CACNA1E: variants seen among roughly 807,000 people sequenced by gnomAD.
The protein encoded by CACNA1E is voltage-dependent R-type calcium channel subunit alpha-1E.
A neutral mutation model predicts 259.2 loss-of-function variants in CACNA1E; 40 were observed. That is an observed-to-expected ratio of 0.15 (90% CI 0.12 to 0.20). The LOEUF is 0.20. Among genes scored for constraint, CACNA1E ranks in the 10% least tolerant of loss-of-function variants. CACNA1E has a pLI of 1.00. For synonymous variants in CACNA1E, 1,104 were observed against 1,138.5 expected, an observed-to-expected ratio of 0.97 and a Z score of 0.61; for missense variants, 1,874 against 3,040.1, an observed-to-expected ratio of 0.62 and a Z score of 9.02.
At chr1:181,697,864 G>A (rs1572632702) in intron 7 of CACNA1E, among the ~76,000 whole-genome samples, 1 of 152,236 alleles carries the variant, frequency 6.6e-6, no homozygotes, top group East Asian at 1.9e-4. Context: ...TCTGTGAAGA[G>A]CAGATCTACT....
chr1:181,761,627 C>G (rs1052224213), intron 32 of CACNA1E, among the ~76,000 whole-genome samples: 1 of 152,202 alleles, frequency 6.6e-6, no homozygotes, highest in Non-Finnish European at 1.5e-5. Context: ...TCTGTCTCCT[C>G]TGAATTTCTT....
At chr1:181,552,964 A>C (rs747205002) in intron 3 of CACNA1E, among the ~76,000 whole-genome samples, 3 of 152,084 alleles carry the variant, frequency 2.0e-5, no homozygotes, top group Non-Finnish European at 4.4e-5. Context: ...TTTGCTTAGG[A>C]TTGTCTTGGC....
At chr1:181,544,647 A>G (rs1647262468) in intron 3 of CACNA1E, among the ~76,000 whole-genome samples, 1 of 152,194 alleles carries the variant, frequency 6.6e-6, no homozygotes, top group Non-Finnish European at 1.5e-5. Flanking sequence ...CTGGCGTTTT[A>G]GCACCCTTCT....
intron 2 of CACNA1E, among the ~76,000 whole-genome samples, chr1:181,449,173 G>T (rs1444337737): frequency 6.6e-6 from 1 of 151,366 alleles, no homozygotes; most frequent in East Asian, 1.9e-4. Context: ...TTTGGATGTG[G>T]GTAGACTATT....
rs879896726 is a variant in CACNA1E at position 181,734,376 on chromosome 1, CA to C, written c.3262+636del. On this transcript the variant is annotated intron_variant, in intron 21 of 47. Transcript: ENST00000367573. ...ATGGTGTCCTAAAGGGAAACACAGC[CA>C]AAAAAAAAAGCACTTCCCCACCCCT... Among the ~76,000 whole-genome samples the C allele has an allele frequency of 9.9e-4, 145 of 146,200 alleles. 1 individual carries two copies. The South Asian group carries it at 0.012, about 12-fold the overall frequency.
intron 2 of CACNA1E, among the ~76,000 whole-genome samples, chr1:181,474,541 T>A (rs1662720152): frequency 6.6e-6 from 1 of 151,046 alleles, no homozygotes; most frequent in South Asian, 2.1e-4. Flanking sequence ...GAACGTGAGA[T>A]CACATCAGAA....
chr1:181,472,023 G>T (rs1662542549), intron 2 of CACNA1E, among the ~76,000 whole-genome samples: 1 of 152,094 alleles, frequency 6.6e-6, no homozygotes, highest in Non-Finnish European at 1.5e-5. Context: ...ATGGATGAAT[G>T]GATAAAGAAA....
At chr1:181,332,516 G>A (rs1651366748) in intron 1 of CACNA1E, among the ~76,000 whole-genome samples, 1 of 152,186 alleles carries the variant, frequency 6.6e-6, no homozygotes, top group Non-Finnish European at 1.5e-5. Context: ...CTCCTGATAA[G>A]TTTGCTCTTT....
chr1:181,704,810 G>T (rs1440625373), intron 7 of CACNA1E, among the ~76,000 whole-genome samples: 4 of 152,122 alleles, frequency 2.6e-5, no homozygotes, highest in Non-Finnish European at 5.9e-5. Flanking sequence ...CGGGAGGAGA[G>T]GTCTGGAGCG....
chr1:181,734,992 A>G (rs1558324337), intron 21 of CACNA1E, among the ~76,000 whole-genome samples: 1 of 152,264 alleles, frequency 6.6e-6, no homozygotes, highest in African/African-American at 2.4e-5. Context: ...TTGTGACCAC[A>G]GGATTCCAGC....
intron 1 of CACNA1E, among the ~76,000 whole-genome samples, chr1:181,348,407 C>T (rs1166893649): frequency 1.3e-5 from 2 of 152,074 alleles, no homozygotes; most frequent in South Asian, 2.1e-4. Context: ...TAGTGCATTC[C>T]CCATTTCACA....
At chr1:181,344,659 T>A (rs567054436) in intron 1 of CACNA1E, among the ~76,000 whole-genome samples, 1 of 152,290 alleles carries the variant, frequency 6.6e-6, no homozygotes, top group African/African-American at 2.4e-5. Context: ...AATTACACTG[T>A]GGCATCATCC....
At chr1:181,519,730 C>T (rs190001465) in intron 3 of CACNA1E, among the ~76,000 whole-genome samples, 8 of 152,080 alleles carry the variant, frequency 5.3e-5, no homozygotes, top group Non-Finnish European at 8.8e-5. Context: ...CTACCCCTGG[C>T]GATGAGAATC....
intron 6 of CACNA1E, among the ~76,000 whole-genome samples, chr1:181,622,992 A>G (rs1475413445): frequency 1.3e-5 from 2 of 152,200 alleles, no homozygotes; most frequent in Non-Finnish European, 2.9e-5. Context: ...AATTTCTTTT[A>G]TTAGGCTAAT....
At chr1:181,746,308 T>G (rs543420059) in intron 25 of CACNA1E, among the ~76,000 whole-genome samples, 1 of 152,352 alleles carries the variant, frequency 6.6e-6, no homozygotes, top group Non-Finnish European at 1.5e-5. Context: ...ATTTTTAAAG[T>G]GCTTTCACAC....
intron 44 of CACNA1E, among the ~76,000 whole-genome samples, chr1:181,792,386 G>T (rs1211412013): frequency 1.3e-5 from 2 of 152,154 alleles, no homozygotes; most frequent in Admixed American, 6.5e-5. Context: ...ATCCCTCGGG[G>T]CTGCTGCTCC....
At chr1:181,765,994 C>T (rs771794309) in intron 34 of CACNA1E, among the ~76,000 whole-genome samples, 12 of 152,126 alleles carry the variant, frequency 7.9e-5, no homozygotes, top group Non-Finnish European at 1.5e-4. Context: ...CATAATAAAA[C>T]GCCAGGAGGC....
At chr1:181,778,969 G>A (rs1366325158) in intron 38 of CACNA1E, among the ~76,000 whole-genome samples, 1 of 152,216 alleles carries the variant, frequency 6.6e-6, no homozygotes, top group East Asian at 1.9e-4. Context: ...GAAAGCCGCT[G>A]ACTTCCCACT....
intron 7 of CACNA1E, among the ~76,000 whole-genome samples, chr1:181,672,048 G>A (rs1476911250): frequency 6.6e-6 from 1 of 152,168 alleles, no homozygotes; most frequent in Non-Finnish European, 1.5e-5. Context: ...GGAATATTAT[G>A]CAGCCATAAA....
Sources: gnomAD v4.1 joint callset for allele counts (sites outside exome capture counted in the v4.1 genomes callset) on GRCh38, gnomAD v4.1.1 for gene constraint, MANE v1.5 for transcripts, NCBI Gene and HGNC (gene_info 2026-07-23, HGNC 2026-07-21) for gene names.